The following ARHGAP10 variants were observed in gnomAD, a reference collection of about 807,000 sequenced individuals.
The protein encoded by ARHGAP10 is rho GTPase-activating protein 10.
In ARHGAP10, 87 loss-of-function variants were observed where a neutral mutation model predicts 108.6. That is an observed-to-expected ratio of 0.80 (90% CI 0.67 to 0.96). The LOEUF is 0.96. Among genes scored for constraint, ARHGAP10 ranks in the 40% least tolerant of loss-of-function variants. ARHGAP10 has a pLI of 0.00. For synonymous variants in ARHGAP10, 347 were observed against 341.1 expected, an observed-to-expected ratio of 1.02 and a Z score of -0.19; for missense variants, 939 against 954.5, an observed-to-expected ratio of 0.98 and a Z score of 0.21.
At chr4:147,866,567 A>C in intron 6 of ARHGAP10, 145 bp from the exon 7 acceptor site, 4 of 602,834 alleles carry the variant, frequency 6.6e-6, no homozygotes, top group Non-Finnish European at 1.2e-5. Flanking sequence ...ACTTGTGTTT[A>C]CTTGAATATT....
intron 18 of ARHGAP10, among the ~76,000 whole-genome samples, chr4:147,989,810 T>C (rs532343039): frequency 1.3e-5 from 2 of 152,294 alleles, no homozygotes; most frequent in Non-Finnish European, 2.9e-5. Flanking sequence ...CCTTCTCGGC[T>C]GACAGGATTA....
chr4:147,948,386 CAACT>C (rs1189901343), intron 15 of ARHGAP10, among the ~76,000 whole-genome samples: 1 of 151,964 alleles, frequency 6.6e-6, no homozygotes, highest in East Asian at 1.9e-4. Flanking sequence ...CAATTTTTAC[CAACT>C]GTCTTCAAAA....
chr4:147,883,768 C>T (rs1735432880), intron 10 of ARHGAP10, among the ~76,000 whole-genome samples: 1 of 151,818 alleles, frequency 6.6e-6, no homozygotes, highest in South Asian at 2.1e-4. Flanking sequence ...AATCTCGGCT[C>T]ACTGCAACCT....
intron 1 of ARHGAP10, among the ~76,000 whole-genome samples, chr4:147,817,363 C>A (rs1423701732): frequency 6.6e-6 from 1 of 152,132 alleles, no homozygotes; most frequent in Non-Finnish European, 1.5e-5. Context: ...TGCTCCCCAT[C>A]CCCCCAGCAG....
intron 1 of ARHGAP10, among the ~76,000 whole-genome samples, chr4:147,798,775 CTCTCTCTATATATA>C (rs1208853405): frequency 2.5e-3 from 11 of 4,334 alleles, no homozygotes; most frequent in Admixed American, 0.012. Context: ...CTCTCTCTCT[CTCTCTCTATATATA>C]TATATATATA....
chr4:147,747,719 A>T (rs1374882058), intron 1 of ARHGAP10, among the ~76,000 whole-genome samples: 1 of 152,222 alleles, frequency 6.6e-6, no homozygotes, highest in African/African-American at 2.4e-5. Flanking sequence ...GATTATTGTT[A>T]TAAAAATACT....
chr4:147,753,776 T>G (rs1464113866), intron 1 of ARHGAP10, among the ~76,000 whole-genome samples: 1 of 152,208 alleles, frequency 6.6e-6, no homozygotes, highest in East Asian at 1.9e-4. Flanking sequence ...TTCATGATGC[T>G]CACGTATTCA....
intron 1 of ARHGAP10, among the ~76,000 whole-genome samples, chr4:147,802,119 G>C (rs2126761803): frequency 6.6e-6 from 1 of 152,278 alleles, no homozygotes; most frequent in Middle Eastern, 3.4e-3. Flanking sequence ...GACTGACTCT[G>C]TTTTTCTTCT....
At chr4:148,069,726 C>CA (rs1392778710) in intron 22 of ARHGAP10, among the ~76,000 whole-genome samples, 1 of 152,172 alleles carries the variant, frequency 6.6e-6, no homozygotes, top group African/African-American at 2.4e-5. Flanking sequence ...AACAGCCGAG[C>CA]AAGGCCCAGG....
chr4:148,009,543 A>G (rs1741092643), intron 18 of ARHGAP10, among the ~76,000 whole-genome samples: 1 of 152,226 alleles, frequency 6.6e-6, no homozygotes, highest in Admixed American at 6.5e-5. Context: ...TGTGTTAACA[A>G]TTTTAAAGGC....
At chr4:148,069,665 T>G (rs1278291444) in intron 22 of ARHGAP10, among the ~76,000 whole-genome samples, 2 of 152,200 alleles carry the variant, frequency 1.3e-5, no homozygotes, top group African/African-American at 4.8e-5. Flanking sequence ...TCTTACTGCC[T>G]CCTCATAGCA....
intron 13 of ARHGAP10, among the ~76,000 whole-genome samples, chr4:147,927,920 C>T (rs757659479): frequency 1.1e-4 from 17 of 152,190 alleles, no homozygotes; most frequent in Admixed American, 1.3e-4. Flanking sequence ...CTAATGAAAT[C>T]GGAAACTCCC....
intron 13 of ARHGAP10, among the ~76,000 whole-genome samples, chr4:147,920,622 G>C (rs796439872): frequency 4.9e-5 from 6 of 123,254 alleles, no homozygotes; most frequent in Admixed American, 9.2e-5. Context: ...TCTGGGATAC[G>C]TGTTCAACGT....
intron 3 of ARHGAP10, among the ~76,000 whole-genome samples, chr4:147,831,460 A>G (rs1393231239): frequency 6.6e-6 from 1 of 152,214 alleles, no homozygotes; most frequent in African/African-American, 2.4e-5. Context: ...TATTATATTT[A>G]CAGTATTTTA....
At chr4:147,748,011 G>A (rs950506552) in intron 1 of ARHGAP10, among the ~76,000 whole-genome samples, 2 of 152,174 alleles carry the variant, frequency 1.3e-5, no homozygotes, top group African/African-American at 4.8e-5. Flanking sequence ...ACACCCTGCA[G>A]TGCACAGGAC....
intron 3 of ARHGAP10, among the ~76,000 whole-genome samples, chr4:147,827,264 A>G (rs1157403955): frequency 6.6e-6 from 1 of 151,906 alleles, no homozygotes; most frequent in South Asian, 2.1e-4. Context: ...TAACTGATGC[A>G]TTGCAGAACA....
At chr4:147,777,067 T>C (rs1730324805) in intron 1 of ARHGAP10, among the ~76,000 whole-genome samples, 1 of 152,214 alleles carries the variant, frequency 6.6e-6, no homozygotes. Context: ...GCTATGCTGA[T>C]AGCTGTTACA....
At chr4:148,009,365 C>T (rs1441827166) in intron 18 of ARHGAP10, among the ~76,000 whole-genome samples, 1 of 152,168 alleles carries the variant, frequency 6.6e-6, no homozygotes, top group Non-Finnish European at 1.5e-5. Context: ...CTCCTGACCT[C>T]AAGTGATCTG....
At position 148,006,734 on chromosome 4, in the gene ARHGAP10, T is replaced by C. The variant is rs150167244; in HGVS notation, c.1717-16529T>C. Among the ~76,000 whole-genome samples the C allele has an allele frequency of 2.7e-3, 419 of 152,364 alleles. 2 individuals carry two copies. Among genetic ancestry groups the C allele is most frequent in the African/African-American group, 9.8e-3 (407 of 41,596 alleles). ...GAAGAATAACCATGTTATCTGCATCTTTTCATGTGATAAAAAAACTCTGAC... is the reference window on the plus strand; with the variant it reads ...GAAGAATAACCATGTTATCTGCATCCTTTCATGTGATAAAAAAACTCTGAC... On this transcript the variant is annotated intron_variant, in intron 18 of 22. Transcript: ENST00000336498.
Sources: allele counts gnomAD v4.1 joint callset (sites outside exome capture counted in the v4.1 genomes callset), GRCh38; gene constraint gnomAD v4.1.1; transcripts MANE v1.5; gene names NCBI Gene and HGNC (gene_info 2026-07-23, HGNC 2026-07-21).